The following NODAL variants were observed in gnomAD, a reference collection of about 807,000 sequenced individuals.
The protein encoded by NODAL is nodal homolog.
In NODAL, 12 loss-of-function variants were observed where a neutral mutation model predicts 34.0. That is an observed-to-expected ratio of 0.35 (90% CI 0.23 to 0.57). The LOEUF is 0.57. Among genes scored for constraint, NODAL ranks in the 20% least tolerant of loss-of-function variants. The probability of loss-of-function intolerance (pLI) is 0.83; values close to 1 mark genes in which losing one functional copy is unlikely to be tolerated. For missense variants in NODAL, 390 were observed against 444.2 expected (o/e 0.88, Z 1.10); for synonymous variants, 162 against 186.4 (o/e 0.87, Z 1.07).
upstream of NODAL, among the ~76,000 whole-genome samples, chr10:70,446,202 G>A (rs1845485646): frequency 6.6e-6 from 1 of 152,198 alleles, no homozygotes; most frequent in Non-Finnish European, 1.5e-5. Flanking sequence ...TGACCTGGGA[G>A]ATAACCTTTG....
chr10:70,442,613 A>G (rs1469081365), upstream of NODAL, among the ~76,000 whole-genome samples: 1 of 152,144 alleles, frequency 6.6e-6, no homozygotes, highest in East Asian at 1.9e-4. Context: ...GTCTGGCCCC[A>G]TCCGTTTTCC....
upstream of NODAL, among the ~76,000 whole-genome samples, chr10:70,444,844 G>A (rs1244755722): frequency 6.6e-6 from 1 of 152,158 alleles, no homozygotes. Context: ...TATTGTGGGT[G>A]GTCCATGGTT....
upstream of NODAL, among the ~76,000 whole-genome samples, chr10:70,441,971 G>A (rs754372377): frequency 6.6e-6 from 1 of 152,166 alleles, no homozygotes; most frequent in Non-Finnish European, 1.5e-5. Flanking sequence ...TGCTGAGACA[G>A]AGCAGGCTTG....
chr10:70,434,395 TC>T (rs1845315017), intron 2 of NODAL, among the ~76,000 whole-genome samples: 1 of 152,138 alleles, frequency 6.6e-6, no homozygotes, highest in Non-Finnish European at 1.5e-5. Flanking sequence ...GGAGTTTCGC[TC>T]CTGTTGCCCA....
upstream of NODAL, among the ~76,000 whole-genome samples, chr10:70,443,243 G>A (rs905486713): frequency 1.3e-5 from 2 of 152,216 alleles, no homozygotes; most frequent in African/African-American, 4.8e-5. Context: ...CACATAGCTG[G>A]AGGCCTCATC....
upstream of NODAL, among the ~76,000 whole-genome samples, chr10:70,441,911 C>A (rs548463877): frequency 6.6e-6 from 1 of 152,232 alleles, no homozygotes; most frequent in African/African-American, 2.4e-5. Flanking sequence ...CCTGGTTTGC[C>A]CGGTCTGGAC....
At chr10:70,446,873 A>G (rs965621453) in intron 1 of NODAL, among the ~76,000 whole-genome samples, 4 of 152,064 alleles carry the variant, frequency 2.6e-5, no homozygotes, top group African/African-American at 9.7e-5. Flanking sequence ...AGTATTTGCT[A>G]AGTGATTGAA....
Position 70,441,504 on chromosome 10 carries a change from GC to G in NODAL, c.163del (p.Ala55GlnfsTer28). The G allele has an allele frequency of 1.9e-6, 3 of 1,593,510 alleles. No individual in the cohort carries two copies. Among genetic ancestry groups the G allele is most frequent in the Non-Finnish European group, 2.6e-6 (3 of 1,171,462 alleles). Reference sequence around the variant, plus strand: ...TGCCTGTAGGCTGCGGATGATGTCTGCCCTCGGCAGCGGGTCGCGGTAGAGG... The same window carrying G: ...TGCCTGTAGGCTGCGGATGATGTCTGCCTCGGCAGCGGGTCGCGGTAGAGG... ...LSLYRDPLPR[A>X]DIIRSLQAED... On this transcript the variant is annotated frameshift_variant, in exon 1 of 3. Coordinates refer to ENST00000287139, the MANE Select transcript of NODAL (RefSeq NM_018055.5). LOFTEE classifies it high-confidence loss of function.
At position 70,438,563 on chromosome 10, in the gene NODAL, T is replaced by C. The variant is rs994631892; in HGVS notation, c.194-2580A>G. 2.0e-5 allele frequency among the ~76,000 whole-genome samples: 3 copies of C among 152,188 alleles called. No homozygotes were observed. The East Asian group carries it at 5.8e-4, about 29-fold the overall frequency. ...CAGCACAACCAAAGTTCAATAAACA[T>C]TGGCCATCATCAGCTGCCTCATTAT... On this transcript the variant is annotated intron_variant, in intron 1 of 2. Coordinates refer to ENST00000287139, the MANE Select transcript of NODAL (RefSeq NM_018055.5).
intron 1 of NODAL, chr10:70,436,215 T>C: frequency 1.8e-6 from 1 of 569,304 alleles, no homozygotes; most frequent in South Asian, 2.0e-5. Flanking sequence ...TCTTGGAAGG[T>C]GGCAGAGCCA....
chr10:70,441,671 G>A lies in NODAL; in HGVS notation c.-4C>T, dbSNP rs1267442244. The A allele has an allele frequency of 7.1e-6, 11 of 1,548,776 alleles. No individual in the cohort carries two copies. Among genetic ancestry groups the A allele is most frequent in the African/African-American group, 1.4e-5 (1 of 73,026 alleles). On this transcript the variant is annotated 5_prime_UTR_variant, in exon 1 of 3. Coordinates refer to ENST00000287139, the MANE Select transcript of NODAL (RefSeq NM_018055.5). ...AGGGCAGGCAGTGGGCGTGCATGGT[G>A]GGCTGGCCAGGCCTGAAAGCAGCAC...
intron 1 of NODAL, chr10:70,436,558 C>CAA (rs71472966): frequency 0.17 from 16,901 of 96,728 alleles, 2,016 homozygotes; most frequent in South Asian, 0.31. Flanking sequence ...AACTCTGTCT[C>CAA]AAAAAAAAAA....
intron 1 of NODAL, among the ~76,000 whole-genome samples, chr10:70,441,236 C>T (rs962506227): frequency 6.6e-6 from 1 of 152,272 alleles, no homozygotes; most frequent in African/African-American, 2.4e-5. Context: ...ACACCCTGAA[C>T]GCTAGAATCC....
intron 1 of NODAL, among the ~76,000 whole-genome samples, chr10:70,439,799 G>C (rs1300730302): frequency 6.6e-6 from 1 of 152,218 alleles, no homozygotes; most frequent in African/African-American, 2.4e-5. Flanking sequence ...TGTTTAGGCC[G>C]GTCACAGTGG....
chr10:70,445,735 A>G (rs1289524914), upstream of NODAL, among the ~76,000 whole-genome samples: 3 of 152,188 alleles, frequency 2.0e-5, no homozygotes, highest in Non-Finnish European at 4.4e-5. Context: ...TTACAAGTGG[A>G]AACAGCCAGT....
At chr10:70,441,352 G>T (rs1338025044) in intron 1 of NODAL, 123 bp downstream of exon 1, 2 of 1,076,776 alleles carry the variant, frequency 1.9e-6, no homozygotes, top group Non-Finnish European at 2.7e-6. Flanking sequence ...GGACGCCCGG[G>T]CGGCTGCAAA....
chr10:70,442,732 A>T (rs1303076027), upstream of NODAL, among the ~76,000 whole-genome samples: 1 of 152,178 alleles, frequency 6.6e-6, no homozygotes, highest in Non-Finnish European at 1.5e-5. Context: ...CGCCAGGCAT[A>T]GTGCTAAGTG....
In NODAL at chr10:70,439,693, C is replaced by T. The variant is rs551421293; in HGVS notation, c.193+1782G>A. 2.0e-5 allele frequency among the ~76,000 whole-genome samples: 3 copies of T among 152,342 alleles called. No individual in the cohort carries two copies. In the South Asian group the frequency reaches 6.2e-4, roughly 32 times the overall value. The stretch of plus-strand genomic sequence containing the variant: ...TGGGGCCAGGACATCCCTTCTCCTC[C>T]AGTCTCCCTCCAGGCGGGCTCTTCC... On this transcript the variant is annotated intron_variant, in intron 1 of 2. Transcript: ENST00000287139.
At chr10:70,443,799 A>G (rs1845458161), upstream of NODAL, among the ~76,000 whole-genome samples, 2 of 152,000 alleles carry the variant, frequency 1.3e-5, no homozygotes, top group African/African-American at 4.8e-5. Context: ...AGATTGCGCC[A>G]TTGCACTCCA....
Sources: gnomAD v4.1 joint callset for allele counts (sites outside exome capture counted in the v4.1 genomes callset) on GRCh38, gnomAD v4.1.1 for gene constraint, MANE v1.5 for transcripts, NCBI Gene and HGNC (gene_info 2026-07-23, HGNC 2026-07-21) for gene names.